EDDM3A: variants seen among roughly 807,000 people sequenced by gnomAD.
The protein encoded by EDDM3A is epididymal secretory protein E3-alpha.
For synonymous variants in EDDM3A, 75 were observed against 60.4 expected (o/e 1.24, Z -1.12); for missense variants, 199 against 177.4 (o/e 1.12, Z -0.69).
At chr14:20,736,564 T>C in the EDDM3A span, among the ~76,000 whole-genome samples, 5 of 152,220 alleles carry the variant, frequency 3.3e-5, no homozygotes, top group African/African-American at 1.2e-4. Context: ...GATTCCTGGC[T>C]TATGGTAGTT....
chr14:20,741,252 T>C (rs1877427119), upstream of EDDM3A, among the ~76,000 whole-genome samples: 2 of 152,166 alleles, frequency 1.3e-5, no homozygotes, highest in South Asian at 4.1e-4. Context: ...GTTCAAGGAA[T>C]ACACTGATAT....
the EDDM3A span, among the ~76,000 whole-genome samples, chr14:20,740,365 G>T: frequency 2.0e-5 from 3 of 152,240 alleles, no homozygotes; most frequent in Non-Finnish European, 2.9e-5. Flanking sequence ...AGTATCTGGA[G>T]TTTTTGCCAG....
the EDDM3A span, among the ~76,000 whole-genome samples, chr14:20,738,253 C>A: frequency 6.6e-6 from 1 of 152,114 alleles, no homozygotes; most frequent in African/African-American, 2.4e-5. Flanking sequence ...GCAGGCGGAT[C>A]ACAAGGTCAA....
chr14:20,739,355 C>A, the EDDM3A span, among the ~76,000 whole-genome samples: 23 of 152,184 alleles, frequency 1.5e-4, no homozygotes, highest in African/African-American at 5.5e-4. Flanking sequence ...GCTTTATAAG[C>A]TCTAGCTTTC....
Position 20,747,907 on chromosome 14 carries a change from G to A in EDDM3A, c.327G>A (p.Lys109=), listed in dbSNP as rs1877654638. 3 of 1,614,158 alleles carry A rather than the reference G, an allele frequency of 1.9e-6. No homozygotes were observed. Among genetic ancestry groups the A allele is most frequent in the Non-Finnish European group, 2.5e-6 (3 of 1,180,036 alleles). The change falls in exon 2 of 2, where the codon AAG becomes AAA. Residue 109 remains lysine (K), a synonymous_variant. Coordinates refer to ENST00000326842, the MANE Select transcript of EDDM3A (RefSeq NM_006683.5). ...ALKVLECHWE[K]YNNRYTESRS... is the part of the protein sequence containing the mutation. The stretch of plus-strand genomic sequence containing the variant: ...AAGTACTCGAGTGTCACTGGGAGAA[G>A]TACAACAATAGGTACACAGAGAGCA...
chr14:20,741,728 A>G (rs929096967), upstream of EDDM3A, among the ~76,000 whole-genome samples: 28 of 152,306 alleles, frequency 1.8e-4, no homozygotes, highest in Admixed American at 1.7e-3. Context: ...TTCTGTAATA[A>G]GGATCAAAAA....
the EDDM3A span, among the ~76,000 whole-genome samples, chr14:20,736,678 C>A: frequency 2.1e-4 from 32 of 152,062 alleles, no homozygotes; most frequent in Non-Finnish European, 3.7e-4. Context: ...CATTTCTGTC[C>A]CTGACTCTGG....
rs1877655368 is a variant in EDDM3A, at chr14:20,747,916, T to C, written c.336T>C (p.Asn112=). The C allele has an allele frequency of 6.2e-7, 1 of 1,614,068 alleles. No homozygotes were observed. The highest frequency in any genetic ancestry group is 1.3e-5 in the African/African-American group (1 of 75,008). ...AGTGTCACTGGGAGAAGTACAACAA[T>C]AGGTACACAGAGAGCAGAAGCTTCA... is the stretch of plus-strand genomic sequence containing the variant. The part of the protein sequence containing the change: ...VLECHWEKYN[N]RYTESRSFSY... The change falls in exon 2 of 2, where the codon AAT becomes AAC. Residue 112 remains asparagine, a synonymous_variant. Transcript: ENST00000326842.
chr14:20,745,451 G>A (rs901787973), upstream of EDDM3A, among the ~76,000 whole-genome samples: 21 of 151,774 alleles, frequency 1.4e-4, no homozygotes, highest in Admixed American at 1.3e-4. Flanking sequence ...GGGTGAACCC[G>A]GGAGGCGGAG....
rs753231505 is a variant in EDDM3A at position 20,747,657 on chromosome 14, A to G, written c.77A>G (p.Asn26Ser). 1 of 1,614,198 alleles carries G rather than the reference A, an allele frequency of 6.2e-7. No homozygotes were observed. Among genetic ancestry groups the G allele is most frequent in the Non-Finnish European group, 8.5e-7 (1 of 1,180,024 alleles). Residue 26 changes from asparagine (N) to serine (S), a missense_variant, in exon 2 of 2, where the codon AAC (asparagine) becomes AGC (serine). By Grantham distance (46) the Asn-to-Ser change is conservative (BLOSUM62 1). Transcript: ENST00000326842. ...CTTTGCAGGCTGTGTGTATACAGTA[A>G]CAACATTTACTGGAGAGAATTCATA... is the stretch of plus-strand genomic sequence containing the variant. ...CILCRLCVYS[N>S]NIYWREFIKL...
In EDDM3A at chr14:20,747,892, G is replaced by T; in HGVS notation, c.312G>T (p.Glu104Asp). The change falls in exon 2 of 2, where the codon GAG (glutamate) becomes GAT (aspartate). Residue 104 changes from glutamate (E) to aspartate (D), a missense_variant. Transcript: ENST00000326842. ...CCCCAGGTGCCCTCAAAGTACTCGA[G>T]TGTCACTGGGAGAAGTACAACAATA... ...VWAPGALKVL[E>D]CHWEKYNNRY... is the part of the protein sequence containing the mutation. 1.2e-6 allele frequency: 2 copies of T among 1,614,154 alleles called. No homozygotes were observed. Among genetic ancestry groups the T allele is most frequent in the Non-Finnish European group, 1.7e-6 (2 of 1,180,030 alleles).
At chr14:20,747,416 T>A in intron 1 of EDDM3A, 139 bp from the exon 2 acceptor site, 1 of 599,174 alleles carries the variant, frequency 1.7e-6, no homozygotes, top group Non-Finnish European at 2.9e-6. Flanking sequence ...TATTCTTTAA[T>A]GAGAATCATC....
At chr14:20,741,939 A>T (rs1346774958), upstream of EDDM3A, among the ~76,000 whole-genome samples, 1 of 152,222 alleles carries the variant, frequency 6.6e-6, no homozygotes, top group East Asian at 1.9e-4. Flanking sequence ...AGGAGACCCT[A>T]AAAGAACCAT....
Position 20,747,546 on chromosome 14 carries a change from TC to T in EDDM3A, c.-26-6del. 1 of 1,517,892 alleles carries T rather than the reference TC, an allele frequency of 6.6e-7. No individual in the cohort carries two copies. Among genetic ancestry groups the T allele is most frequent in the Non-Finnish European group, 8.9e-7 (1 of 1,120,236 alleles). 94.0% of individuals were successfully genotyped at this position (1,517,892 alleles called of 1,614,324 possible). On this transcript the variant is annotated splice_polypyrimidine_tract_variant and splice_region_variant and intron_variant, in intron 1 of 1. Transcript: ENST00000326842. The stretch of plus-strand genomic sequence containing the variant: ...GTCTGGTTAATGCTTTTCTTTCTCT[TC>T]CCTGTAGACACGCAGGTGGACGTGG...
chr14:20,746,187 G>C (rs751029413), intron 1 of EDDM3A, among the ~76,000 whole-genome samples, 195 bp downstream of exon 1: 5 of 152,272 alleles, frequency 3.3e-5, no homozygotes, highest in Middle Eastern at 3.4e-3. Flanking sequence ...GTCCTCCTAA[G>C]CACAGTGCAT....
chr14:20,741,293 G>A (rs1210671094), upstream of EDDM3A, among the ~76,000 whole-genome samples: 1 of 152,206 alleles, frequency 6.6e-6, no homozygotes, highest in African/African-American at 2.4e-5. Context: ...ATTTAAAGAG[G>A]ATAAACATGA....
chr14:20,737,468 G>A, the EDDM3A span, among the ~76,000 whole-genome samples: 10 of 152,166 alleles, frequency 6.6e-5, no homozygotes, highest in South Asian at 6.2e-4. Flanking sequence ...CTATACACAC[G>A]CGGGATGAGA....
Position 20,745,937 on chromosome 14 carries a change from G to A in EDDM3A, c.-82G>A, listed in dbSNP as rs147834908. 25 of 152,368 alleles carry A rather than the reference G, an allele frequency of 1.6e-4. No homozygotes were observed. The highest frequency in any genetic ancestry group is 5.8e-4 in the African/African-American group (24 of 41,568). 9.4% of individuals were successfully genotyped at this position (152,368 alleles called of 1,614,324 possible). A position where few individuals can be genotyped will look rare whatever the true frequency, so the allele number is the denominator to read the frequency against. On this transcript the variant is annotated 5_prime_UTR_variant, in exon 1 of 2. Transcript: ENST00000326842. ...AGGAGGACGCAGACTCTGCTCTTCAGATCCACATGCTGATCCCCACTACAA... is the reference window on the plus strand; with the variant it reads ...AGGAGGACGCAGACTCTGCTCTTCAAATCCACATGCTGATCCCCACTACAA...
chr14:20,736,552 A>G, the EDDM3A span, among the ~76,000 whole-genome samples: 1 of 152,338 alleles, frequency 6.6e-6, no homozygotes, highest in Non-Finnish European at 1.5e-5. Context: ...AACATGTGGC[A>G]TGATTCCTGG....
Sources: allele counts gnomAD v4.1 joint callset (sites outside exome capture counted in the v4.1 genomes callset), GRCh38; gene constraint gnomAD v4.1.1; transcripts MANE v1.5; gene names NCBI Gene and HGNC (gene_info 2026-07-23, HGNC 2026-07-21).